Variants in TMEM116 observed in about 807,000 individuals in gnomAD.
The protein encoded by TMEM116 is transmembrane protein 116.
TMEM116 carries 38 observed loss-of-function variants against 44.3 expected under a neutral mutation model. That is an observed-to-expected ratio of 0.86 (90% CI 0.66 to 1.12). TMEM116 has a LOEUF of 1.12. Among genes scored for constraint, TMEM116 ranks in the 50% most tolerant of loss-of-function variants. The pLI is 0.00. For synonymous variants in TMEM116, 132 were observed against 144.8 expected, an observed-to-expected ratio of 0.91 and a Z score of 0.64; for missense variants, 354 against 401.7, an observed-to-expected ratio of 0.88 and a Z score of 1.01.
chr12:111,993,416 C>A, intron 3 of TMEM116: 1 of 553,692 alleles, frequency 1.8e-6, no homozygotes, highest in South Asian at 1.4e-5. Flanking sequence ...TTTATGAAGT[C>A]TTTAAAGTCT....
intron 3 of TMEM116, among the ~76,000 whole-genome samples, chr12:111,996,500 C>T (rs193282825): frequency 6.6e-6 from 1 of 152,120 alleles, no homozygotes; most frequent in Non-Finnish European, 1.5e-5. Context: ...TAATTACACA[C>T]CCATGGCAAA....
chr12:111,940,875 C>T (rs999417064), intron 5 of TMEM116, among the ~76,000 whole-genome samples: 1 of 152,048 alleles, frequency 6.6e-6, no homozygotes, highest in African/African-American at 2.4e-5. Flanking sequence ...AGTTAGTCTA[C>T]TGGCTTTTGA....
At chr12:111,968,863 G>A (rs1034974403) in intron 4 of TMEM116, among the ~76,000 whole-genome samples, 2 of 151,154 alleles carry the variant, frequency 1.3e-5, no homozygotes, top group African/African-American at 4.9e-5. Flanking sequence ...GGTGGTGGCG[G>A]GCACCTGTAA....
intron 4 of TMEM116, among the ~76,000 whole-genome samples, chr12:111,944,616 C>G (rs542085285): frequency 4.9e-4 from 74 of 152,226 alleles, no homozygotes; most frequent in Non-Finnish European, 9.1e-4. Flanking sequence ...AGTACAGTAT[C>G]AGAGCAGAGG....
intron 1 of TMEM116, among the ~76,000 whole-genome samples, chr12:112,006,713 G>C (rs7314232): frequency 0.14 from 21,651 of 152,128 alleles, 1,930 homozygotes; most frequent in African/African-American, 0.25. Context: ...TACCTACACA[G>C]AGTAGCATTC....
In TMEM116 at chr12:111,996,006, C is replaced by T. The variant is rs555561055; in HGVS notation, c.79-4117G>A. Among the ~76,000 whole-genome samples, 3 of 141,654 alleles carry T rather than the reference C, an allele frequency of 2.1e-5. No individual in the cohort carries two copies. The South Asian group carries it at 6.7e-4, about 32-fold the overall frequency. 92.9% of individuals were successfully genotyped at this position (141,654 alleles called of 152,430 possible). On this transcript the variant is annotated intron_variant, in intron 3 of 10. Coordinates refer to ENST00000552374, the MANE Select transcript of TMEM116 (RefSeq NM_001193531.2). ...AGTGAGCCATGATTGCATCACTGCA[C>T]TTCAGCCAGGGAAACAGAACAAGAC...
intron 1 of TMEM116, among the ~76,000 whole-genome samples, chr12:112,008,092 A>G (rs1018459688): frequency 1.3e-5 from 2 of 152,122 alleles, no homozygotes; most frequent in African/African-American, 2.4e-5. Flanking sequence ...CTGCGGCAGG[A>G]GGATCTCTTG....
chr12:112,006,761 C>G (rs1565977722), intron 1 of TMEM116, among the ~76,000 whole-genome samples: 1 of 152,102 alleles, frequency 6.6e-6, no homozygotes, highest in Non-Finnish European at 1.5e-5. Context: ...TTTGGACAGA[C>G]TGGAGGAAAA....
At chr12:111,940,876 T>C (rs1391255794) in intron 5 of TMEM116, among the ~76,000 whole-genome samples, 1 of 152,160 alleles carries the variant, frequency 6.6e-6, no homozygotes, top group African/African-American at 2.4e-5. Flanking sequence ...GTTAGTCTAC[T>C]GGCTTTTGAG....
intron 2 of TMEM116, among the ~76,000 whole-genome samples, chr12:112,004,840 G>C (rs1055457094): frequency 5.9e-5 from 9 of 152,052 alleles, no homozygotes; most frequent in African/African-American, 1.9e-4. Context: ...TGTAGGGACA[G>C]GGTTTCACCA....
chr12:111,979,687 C>T (rs941291287), intron 4 of TMEM116, among the ~76,000 whole-genome samples: 2 of 152,094 alleles, frequency 1.3e-5, no homozygotes, highest in African/African-American at 4.8e-5. Flanking sequence ...AAGAGACAAG[C>T]CACAGACTGG....
At chr12:111,932,369 T>C (rs925794600) in intron 10 of TMEM116, among the ~76,000 whole-genome samples, 1 of 152,216 alleles carries the variant, frequency 6.6e-6, no homozygotes, top group African/African-American at 2.4e-5. Context: ...CAGAGATATA[T>C]ACGCTCTGGA....
chr12:111,969,320 CAAA>C (rs540048259), intron 4 of TMEM116, among the ~76,000 whole-genome samples: 1 of 86,786 alleles, frequency 1.2e-5, no homozygotes, highest in Non-Finnish European at 2.5e-5. Context: ...CGCTCCATCT[CAAA>C]AAAAAAAAAA....
At chr12:111,962,323 T>C (rs1000092907) in intron 4 of TMEM116, among the ~76,000 whole-genome samples, 1 of 152,142 alleles carries the variant, frequency 6.6e-6, no homozygotes, top group African/African-American at 2.4e-5. Flanking sequence ...TACTTTAAAT[T>C]TCATATGGAA....
chr12:111,953,634 C>T (rs1056547267), intron 4 of TMEM116, among the ~76,000 whole-genome samples: 8 of 152,194 alleles, frequency 5.3e-5, no homozygotes, highest in African/African-American at 1.9e-4. Context: ...TGCCGTCTAA[C>T]CTTGGACTGA....
chr12:111,951,469 T>C (rs1593346863), intron 4 of TMEM116, among the ~76,000 whole-genome samples: 1 of 152,208 alleles, frequency 6.6e-6, no homozygotes, highest in East Asian at 1.9e-4. Flanking sequence ...ATATATATCA[T>C]GGAATACCAT....
chr12:111,952,626 T>TA (rs1346501989), intron 4 of TMEM116, among the ~76,000 whole-genome samples: 3 of 152,298 alleles, frequency 2.0e-5, no homozygotes, highest in Admixed American at 6.5e-5. Flanking sequence ...GGGCACAATC[T>TA]AATCAGCTGC....
intron 4 of TMEM116, among the ~76,000 whole-genome samples, chr12:111,952,513 G>A (rs575956319): frequency 6.6e-6 from 1 of 152,192 alleles, no homozygotes; most frequent in Non-Finnish European, 1.5e-5. Flanking sequence ...TGGATTGAAT[G>A]ATGCAAAGTA....
chr12:111,979,292 A>G (rs2075829375), intron 4 of TMEM116, among the ~76,000 whole-genome samples: 1 of 152,136 alleles, frequency 6.6e-6, no homozygotes, highest in Non-Finnish European at 1.5e-5. Flanking sequence ...TATACACAAT[A>G]GAATATTATT....
Sources: gnomAD v4.1 joint callset for allele counts (sites outside exome capture counted in the v4.1 genomes callset) on GRCh38, gnomAD v4.1.1 for gene constraint, MANE v1.5 for transcripts, NCBI Gene and HGNC (gene_info 2026-07-23, HGNC 2026-07-21) for gene names.